Variants in FAT3 observed in about 807,000 individuals in gnomAD.
FAT3 encodes the protein FAT atypical cadherin 3.
A neutral mutation model predicts 310.2 loss-of-function variants in FAT3; 95 were observed. The ratio of observed to expected loss-of-function variants is 0.31; its 90% confidence interval spans 0.26 to 0.36. FAT3 has a LOEUF of 0.36. Among genes scored for constraint, FAT3 ranks in the 10% least tolerant of loss-of-function variants. FAT3 has a pLI of 1.00. For missense variants in FAT3, 5,408 were observed against 5,715.6 expected (o/e 0.95, Z 1.74); for synonymous variants, 2,314 against 2,192.9 (o/e 1.06, Z -1.54).
At chr11:92,290,603 A>C (rs567813832) in intron 1 of FAT3, among the ~76,000 whole-genome samples, 24 of 151,052 alleles carry the variant, frequency 1.6e-4, no homozygotes, top group East Asian at 4.0e-4. Flanking sequence ...CACACACACA[A>C]AAATACAAAA....
At chr11:92,599,479 A>G (rs867622636) in intron 3 of FAT3, among the ~76,000 whole-genome samples, 1 of 152,170 alleles carries the variant, frequency 6.6e-6, no homozygotes, top group Non-Finnish European at 1.5e-5. Context: ...TCAAGACGAC[A>G]TTTAGGCAGA....
At chr11:92,771,713 A>G (rs775302910) in intron 6 of FAT3, among the ~76,000 whole-genome samples, 10 of 151,914 alleles carry the variant, frequency 6.6e-5, no homozygotes, top group Non-Finnish European at 1.5e-4. Flanking sequence ...ACACATACAC[A>G]TACACATACA....
intron 16 of FAT3, among the ~76,000 whole-genome samples, 184 bp from the exon 17 acceptor site, chr11:92,837,479 C>T (rs1203351802): frequency 2.0e-5 from 3 of 152,162 alleles, no homozygotes; most frequent in Non-Finnish European, 2.9e-5. Context: ...CAGGTCAGCC[C>T]CCAACAACAA....
Position 92,406,529 on chromosome 11 carries a change from C to G in FAT3, c.3292+51125C>G, listed in dbSNP as rs371778717. The G allele has an allele frequency of 2.6e-5, 4 of 152,160 alleles. No homozygotes were observed. In the East Asian group the frequency reaches 5.8e-4, roughly 22 times the overall value. The allele number at this position is 152,160 out of a possible 1,614,324, so 9.4% of individuals were successfully genotyped here. ...AATAAATGCCTTAGTGCCTCCTAAA[C>G]TGGAGTAACCAAGGGAACCAAGGTG... On this transcript the variant is annotated intron_variant, in intron 2 of 27. Coordinates refer to ENST00000525166, the MANE Select transcript of FAT3 (RefSeq NM_001367949.2).
intron 1 of FAT3, among the ~76,000 whole-genome samples, chr11:92,233,462 GCTA>G (rs1283875608): frequency 6.6e-6 from 1 of 152,154 alleles, no homozygotes; most frequent in Non-Finnish European, 1.5e-5. Context: ...TACTAAGAGT[GCTA>G]CTATTATCTT....
intron 1 of FAT3, among the ~76,000 whole-genome samples, chr11:92,232,218 C>A (rs1483917945): frequency 1.3e-5 from 2 of 151,916 alleles, no homozygotes; most frequent in Non-Finnish European, 2.9e-5. Context: ...TTAACATCGC[C>A]CATGTTATGG....
At chr11:92,836,763 G>T (rs989066739) in intron 16 of FAT3, 60 bp downstream of exon 16, 1 of 1,575,828 alleles carries the variant, frequency 6.3e-7, no homozygotes, top group Non-Finnish European at 8.6e-7. Context: ...TAGAATCAGG[G>T]GCACAAGCTC....
chr11:92,805,031 G>A, intron 10 of FAT3, 122 bp from the exon 11 acceptor site: 1 of 869,228 alleles, frequency 1.2e-6, no homozygotes, highest in Non-Finnish European at 1.7e-6. Context: ...TATCTTTGTA[G>A]TATCCTAAAT....
chr11:92,548,130 G>A (rs1954676941), intron 3 of FAT3, among the ~76,000 whole-genome samples: 1 of 152,188 alleles, frequency 6.6e-6, no homozygotes, highest in Non-Finnish European at 1.5e-5. Flanking sequence ...AGAAATAGAA[G>A]AATTACAGGC....
chr11:92,390,845 T>A (rs1156792922), intron 2 of FAT3, among the ~76,000 whole-genome samples: 1 of 152,138 alleles, frequency 6.6e-6, no homozygotes, highest in African/African-American at 2.4e-5. Context: ...AAAAATGTAG[T>A]CCTGGAGAAG....
intron 2 of FAT3, among the ~76,000 whole-genome samples, chr11:92,474,690 A>G (rs141506301): frequency 4.6e-5 from 7 of 152,254 alleles, no homozygotes; most frequent in African/African-American, 1.7e-4. Context: ...CTCCCTGGAG[A>G]TGGAAATCAG....
chr11:92,703,357 A>G (rs1401949250), intron 4 of FAT3, among the ~76,000 whole-genome samples: 3 of 152,328 alleles, frequency 2.0e-5, no homozygotes, highest in Non-Finnish European at 4.4e-5. Context: ...CCCATTAAAC[A>G]GTCCACAGTT....
In FAT3 at chr11:92,355,315, G is replaced by T. The variant is rs370640653; in HGVS notation, c.3203G>T (p.Arg1068Leu). The change falls in exon 2 of 28, where the codon CGA becomes CTA. Residue 1068 changes from arginine to leucine, a missense_variant. By Grantham distance (102) the Arg-to-Leu change is moderately radical. Transcript: ENST00000525166. ...IGTSVLQVTARDEDSGRDGEI... is the reference protein window; with the variant it reads ...IGTSVLQVTALDEDSGRDGEI... Reference sequence around the variant, plus strand: ...ACAAGCGTGCTGCAGGTGACTGCTCGAGATGAAGACTCCGGAAGGGATGGA... The same window carrying T: ...ACAAGCGTGCTGCAGGTGACTGCTCTAGATGAAGACTCCGGAAGGGATGGA... 2.7e-5 allele frequency: 43 copies of T among 1,613,660 alleles called. No individual in the cohort carries two copies. The highest frequency in any genetic ancestry group is 3.6e-5 in the Non-Finnish European group (42 of 1,179,842).
At chr11:92,385,330 C>T (rs1046193169) in intron 2 of FAT3, among the ~76,000 whole-genome samples, 1 of 152,098 alleles carries the variant, frequency 6.6e-6, no homozygotes, top group African/African-American at 2.4e-5. Flanking sequence ...GAAGTGGACT[C>T]ATGCTGATTT....
At chr11:92,738,939 G>C (rs532120152) in intron 4 of FAT3, among the ~76,000 whole-genome samples, 73 of 152,086 alleles carry the variant, frequency 4.8e-4, no homozygotes, top group Non-Finnish European at 6.2e-4. Flanking sequence ...ATGAATGAAG[G>C]GGCCTCAATA....
intron 2 of FAT3, among the ~76,000 whole-genome samples, chr11:92,449,817 T>C (rs1010147496): frequency 6.6e-6 from 1 of 152,172 alleles, no homozygotes; most frequent in Admixed American, 6.5e-5. Flanking sequence ...CAAAACGATA[T>C]TTTATATAAA....
intron 2 of FAT3, among the ~76,000 whole-genome samples, chr11:92,368,776 G>T (rs1446529280): frequency 6.6e-6 from 1 of 150,694 alleles, no homozygotes; most frequent in Non-Finnish European, 1.5e-5. Flanking sequence ...TAGTGGGAGT[G>T]GTTTTGGAAG....
At chr11:92,639,527 C>G (rs1197716783) in intron 3 of FAT3, among the ~76,000 whole-genome samples, 1 of 152,140 alleles carries the variant, frequency 6.6e-6, no homozygotes, top group Non-Finnish European at 1.5e-5. Flanking sequence ...TGCCCCATCT[C>G]TCTCTGAGGT....
intron 1 of FAT3, among the ~76,000 whole-genome samples, chr11:92,290,496 C>T (rs1006430512): frequency 1.3e-5 from 2 of 152,120 alleles, no homozygotes; most frequent in Non-Finnish European, 2.9e-5. Context: ...GTGGCTCATG[C>T]CTGTAATCCC....
Sources: gnomAD v4.1 joint callset for allele counts (sites outside exome capture counted in the v4.1 genomes callset) on GRCh38, gnomAD v4.1.1 for gene constraint, MANE v1.5 for transcripts, NCBI Gene and HGNC (gene_info 2026-07-23, HGNC 2026-07-21) for gene names.